The following SFMBT2 variants were observed in gnomAD, a reference collection of about 807,000 sequenced individuals.
SFMBT2 encodes the protein scm-like with four MBT domains protein 2.
A neutral mutation model predicts 110.1 loss-of-function variants in SFMBT2; 38 were observed. That is an observed-to-expected ratio of 0.35 (90% CI 0.27 to 0.45). The LOEUF is 0.45. Among genes scored for constraint, SFMBT2 ranks in the 20% least tolerant of loss-of-function variants. The pLI is 1.00. For missense variants in SFMBT2, 1,011 were observed against 1,094.9 expected (o/e 0.92, Z 1.08); for synonymous variants, 425 against 425.4 (o/e 1.00, Z 0.01).
chr10:7,329,431 C>A, intron 4 of SFMBT2: 1 of 985,430 alleles, frequency 1.0e-6, no homozygotes, highest in Non-Finnish European at 1.2e-6. Flanking sequence ...AAGACATCCC[C>A]ACAACCACAA....
At chr10:7,210,894 A>G (rs1485084601) in intron 11 of SFMBT2, among the ~76,000 whole-genome samples, 1 of 151,750 alleles carries the variant, frequency 6.6e-6, no homozygotes, top group Non-Finnish European at 1.5e-5. Flanking sequence ...GAAGGAAATG[A>G]CAGAAATGGG....
In SFMBT2 at chr10:7,162,629, T is replaced by G. The variant is rs1837578959; in HGVS notation, c.*1141A>C. 1 of 152,174 alleles carries G rather than the reference T, an allele frequency of 6.6e-6. No homozygotes were observed. The highest frequency in any genetic ancestry group is 2.4e-5 in the African/African-American group (1 of 41,394). 9.4% of individuals were successfully genotyped at this position (152,174 alleles called of 1,614,324 possible). A position where few individuals can be genotyped will look rare whatever the true frequency, so the allele number is the denominator to read the frequency against. Reference sequence around the variant, plus strand: ...TGGTTGATGAAATGCTTCCCTCACATCTCTTTCCCTTCCTCCTCTCTGAAA... The same window carrying G: ...TGGTTGATGAAATGCTTCCCTCACAGCTCTTTCCCTTCCTCCTCTCTGAAA... On this transcript the variant is annotated 3_prime_UTR_variant, in exon 21 of 21. Transcript: ENST00000397167.
At chr10:7,361,788 G>A (rs559129951) in intron 4 of SFMBT2, among the ~76,000 whole-genome samples, 3 of 152,156 alleles carry the variant, frequency 2.0e-5, no homozygotes, top group South Asian at 2.1e-4. Context: ...TCATAAATAC[G>A]TCTCCATTTA....
chr10:7,268,938 C>A (rs1841481632), intron 7 of SFMBT2, among the ~76,000 whole-genome samples: 1 of 152,180 alleles, frequency 6.6e-6, no homozygotes, highest in Non-Finnish European at 1.5e-5. Context: ...CCACTGAGAG[C>A]CACGGTGATA....
At chr10:7,397,443 G>A (rs894523772) in intron 1 of SFMBT2, among the ~76,000 whole-genome samples, 5 of 151,856 alleles carry the variant, frequency 3.3e-5, no homozygotes, top group African/African-American at 4.8e-5. Flanking sequence ...AGGTCTAAGC[G>A]AAAAGCTTGT....
At chr10:7,269,585 A>C (rs1028876393) in intron 7 of SFMBT2, among the ~76,000 whole-genome samples, 3 of 152,308 alleles carry the variant, frequency 2.0e-5, no homozygotes, top group East Asian at 1.9e-4. Flanking sequence ...CACGCATCTC[A>C]GATGACTCAC....
Position 7,207,715 on chromosome 10 carries a change from C to T in SFMBT2, c.1331-1787G>A, listed in dbSNP as rs1322344675. 11 of 544,058 alleles carry T rather than the reference C, an allele frequency of 2.0e-5. No homozygotes were observed. In the South Asian group the frequency reaches 4.2e-4, roughly 21 times the overall value. 33.7% of individuals were successfully genotyped at this position (544,058 alleles called of 1,614,324 possible). On this transcript the variant is annotated intron_variant, in intron 11 of 20. Transcript: ENST00000397167. Reference sequence around the variant, plus strand: ...ACACAAAATGGTCCTAAATCTGGTGCGAGCTCCACCGGCTCTGACTTTTCA... The same window carrying T: ...ACACAAAATGGTCCTAAATCTGGTGTGAGCTCCACCGGCTCTGACTTTTCA...
chr10:7,313,672 G>A (rs1216912869), intron 4 of SFMBT2, among the ~76,000 whole-genome samples: 1 of 151,668 alleles, frequency 6.6e-6, no homozygotes, highest in Non-Finnish European at 1.5e-5. Flanking sequence ...GTTTAGAGAT[G>A]GGGGTCTCAC....
intron 5 of SFMBT2, 109 bp from the exon 6 acceptor site, chr10:7,284,259 G>A: frequency 6.6e-7 from 1 of 1,517,416 alleles, no homozygotes; most frequent in Non-Finnish European, 8.8e-7. Flanking sequence ...CCAAGGTACT[G>A]GCGAACAGTC....
At chr10:7,303,107 G>A (rs1842598663) in intron 4 of SFMBT2, among the ~76,000 whole-genome samples, 1 of 152,098 alleles carries the variant, frequency 6.6e-6, no homozygotes, top group Non-Finnish European at 1.5e-5. Context: ...GAATGCATTT[G>A]GATTATTGCA....
intron 4 of SFMBT2, among the ~76,000 whole-genome samples, chr10:7,307,954 T>C (rs561563486): frequency 1.1e-4 from 17 of 152,330 alleles, no homozygotes; most frequent in Admixed American, 1.0e-3. Context: ...ATTTTGCAAA[T>C]ATGAGTGCTG....
At chr10:7,402,621 A>T (rs1267470129) in intron 1 of SFMBT2, among the ~76,000 whole-genome samples, 2 of 152,180 alleles carry the variant, frequency 1.3e-5, no homozygotes, top group Non-Finnish European at 2.9e-5. Context: ...AAAGAAGTAG[A>T]GTTATTTTCC....
rs1239513760 is a variant in SFMBT2 at position 7,263,334 on chromosome 10, C to T, written c.870+13558G>A. ...TCAGCTTACTTCAAACTCCACCTCC[C>T]GGGTTCAAGTGATTCTCCTGCCTCA... On this transcript the variant is annotated intron_variant, in intron 7 of 20. Coordinates refer to ENST00000397167, the MANE Select transcript of SFMBT2 (RefSeq NM_001387889.1). Among the ~76,000 whole-genome samples, 8 of 152,252 alleles carry T rather than the reference C, an allele frequency of 5.3e-5. No homozygotes were observed. The South Asian group carries it at 1.7e-3, about 32-fold the overall frequency.
At chr10:7,199,573 T>C (rs1377856349) in intron 14 of SFMBT2, among the ~76,000 whole-genome samples, 1 of 152,238 alleles carries the variant, frequency 6.6e-6, no homozygotes, top group Non-Finnish European at 1.5e-5. Context: ...CTGTCATGGT[T>C]CTTTTAAAAC....
intron 4 of SFMBT2, chr10:7,348,310 C>T (rs1448553252): frequency 6.5e-7 from 1 of 1,530,464 alleles, no homozygotes; most frequent in South Asian, 1.2e-5. Flanking sequence ...TGAACAGAAG[C>T]TGATGGCTTG....
chr10:7,400,404 C>G (rs1263915715), intron 1 of SFMBT2, among the ~76,000 whole-genome samples: 1 of 152,188 alleles, frequency 6.6e-6, no homozygotes, highest in Non-Finnish European at 1.5e-5. Context: ...GGGTGGAGGG[C>G]TGTGATGGTT....
intron 1 of SFMBT2, among the ~76,000 whole-genome samples, chr10:7,382,325 G>A (rs190391351): frequency 1.7e-4 from 26 of 152,118 alleles, no homozygotes; most frequent in Non-Finnish European, 2.9e-4. Context: ...CAGGAGAATC[G>A]CTTGAACCTG....
At chr10:7,304,555 A>C (rs954164716) in intron 4 of SFMBT2, among the ~76,000 whole-genome samples, 6 of 152,234 alleles carry the variant, frequency 3.9e-5, no homozygotes, top group Non-Finnish European at 7.3e-5. Flanking sequence ...ACCTTTAACA[A>C]ATCAGTGTCA....
At chr10:7,396,649 T>C (rs1001566404) in intron 1 of SFMBT2, among the ~76,000 whole-genome samples, 2 of 152,116 alleles carry the variant, frequency 1.3e-5, no homozygotes, top group African/African-American at 4.8e-5. Flanking sequence ...CACTTTGTTT[T>C]TGTCTTATTA....
Sources: allele counts gnomAD v4.1 joint callset (sites outside exome capture counted in the v4.1 genomes callset), GRCh38; gene constraint gnomAD v4.1.1; transcripts MANE v1.5; gene names NCBI Gene and HGNC (gene_info 2026-07-23, HGNC 2026-07-21).